The following PPP2R2C variants were observed in gnomAD, a reference collection of about 807,000 sequenced individuals.
PPP2R2C encodes protein phosphatase 2, regulatory subunit B, gamma.
Under a neutral mutation model 45.3 loss-of-function variants are expected in PPP2R2C, and 10 were observed. The ratio of observed to expected loss-of-function variants is 0.22; its 90% CI spans 0.14 to 0.37. PPP2R2C has a LOEUF of 0.37. Ranked by LOEUF, PPP2R2C falls within the 10% of genes least tolerant of loss-of-function variation. The pLI, the probability that PPP2R2C is intolerant of heterozygous loss-of-function variation, is 1.00. For missense variants in PPP2R2C, 308 were observed against 619.7 expected (o/e 0.50, Z 5.34); for synonymous variants, 257 against 245.4 (o/e 1.05, Z -0.44).
chr4:6,430,915 A>C (rs1238921012), intron 1 of PPP2R2C, among the ~76,000 whole-genome samples: 1 of 144,506 alleles, frequency 6.9e-6, no homozygotes, highest in African/African-American at 2.6e-5. Flanking sequence ...ACAGAGCAAG[A>C]CTCTGTCTCA....
At chr4:6,531,187 T>A (rs1475018439) in intron 2 of PPP2R2C, among the ~76,000 whole-genome samples, 1 of 152,176 alleles carries the variant, frequency 6.6e-6, no homozygotes, top group African/African-American at 2.4e-5. Flanking sequence ...GGCACCGCTC[T>A]CCAGGGCAGT....
intron 2 of PPP2R2C, among the ~76,000 whole-genome samples, chr4:6,482,638 A>C (rs911096360): frequency 1.3e-5 from 2 of 152,186 alleles, no homozygotes; most frequent in African/African-American, 4.8e-5. Context: ...ATAGTTTGAG[A>C]GCAGATTCTC....
At chr4:6,459,254 G>A (rs1360217966) in intron 1 of PPP2R2C, among the ~76,000 whole-genome samples, 1 of 152,134 alleles carries the variant, frequency 6.6e-6, no homozygotes, top group African/African-American at 2.4e-5. Context: ...TATTAGGCAG[G>A]CAGCTCAACC....
intron 6 of PPP2R2C, among the ~76,000 whole-genome samples, chr4:6,335,272 A>G (rs372664226): frequency 4.8e-4 from 73 of 152,308 alleles, no homozygotes; most frequent in African/African-American, 1.6e-3. Flanking sequence ...AAGAGCCAGC[A>G]GGCAGATAGG....
chr4:6,388,790 T>G (rs1716402928), intron 1 of PPP2R2C, among the ~76,000 whole-genome samples: 1 of 152,172 alleles, frequency 6.6e-6, no homozygotes, highest in African/African-American at 2.4e-5. Context: ...AGCCCAGCCC[T>G]GCCAGCATCG....
chr4:6,414,070 C>CTCTG (rs3220841), intron 1 of PPP2R2C: 1 of 1,183,218 alleles, frequency 8.5e-7, no homozygotes, highest in African/African-American at 1.8e-5. Context: ...TAAGTTTTGC[C>CTCTG]TGTGTATGTG....
intron 1 of PPP2R2C, among the ~76,000 whole-genome samples, chr4:6,559,820 C>T (rs1433539655): frequency 6.6e-6 from 1 of 152,242 alleles, no homozygotes; most frequent in African/African-American, 2.4e-5. Context: ...GACTTCCAGC[C>T]TCCAGAACGG....
At chr4:6,423,846 A>T (rs1719122317) in intron 1 of PPP2R2C, among the ~76,000 whole-genome samples, 1 of 152,226 alleles carries the variant, frequency 6.6e-6, no homozygotes, top group Admixed American at 6.5e-5. Flanking sequence ...TAGTAGGGCC[A>T]TGGAAAGGAG....
In PPP2R2C at chr4:6,324,671, G is replaced by A. The variant is rs1731810433; in HGVS notation, c.1053-1078C>T. Among the ~76,000 whole-genome samples, 1 of 152,190 alleles carries A rather than the reference G, an allele frequency of 6.6e-6. No homozygotes were observed. The highest frequency in any genetic ancestry group is 1.5e-5 in the Non-Finnish European group (1 of 68,036). On this transcript the variant is annotated intron_variant, in intron 8 of 8. Transcript: ENST00000382599. This position sits in a 1 kb window ranked among gnomAD's most constrained non-coding sequence, Gnocchi z 4.1. Reference sequence around the variant, plus strand: ...GGGGCGAGCAGTGCTGACGTGCAGGGGCTCGCTGCCCTCACCGTCCCGCTA... The same window carrying A: ...GGGGCGAGCAGTGCTGACGTGCAGGAGCTCGCTGCCCTCACCGTCCCGCTA...
intron 1 of PPP2R2C, among the ~76,000 whole-genome samples, chr4:6,423,486 T>C (rs1010260145): frequency 7.2e-5 from 11 of 152,164 alleles, no homozygotes; most frequent in Non-Finnish European, 1.3e-4. Context: ...TTATAGGCAT[T>C]AGCCACCACA....
At chr4:6,366,050 A>T (rs1219742387) in intron 5 of PPP2R2C, among the ~76,000 whole-genome samples, 1 of 152,214 alleles carries the variant, frequency 6.6e-6, no homozygotes, top group Non-Finnish European at 1.5e-5. Flanking sequence ...TGGAAAACGG[A>T]GTTTTAACCA....
chr4:6,462,820 T>A (rs872883), intron 1 of PPP2R2C, among the ~76,000 whole-genome samples: 2 of 152,100 alleles, frequency 1.3e-5, no homozygotes, highest in Non-Finnish European at 2.9e-5. Flanking sequence ...AAATTCTTCA[T>A]CCAAAAGCAG....
intron 1 of PPP2R2C, among the ~76,000 whole-genome samples, chr4:6,415,546 G>A (rs781658891): frequency 2.0e-5 from 3 of 152,174 alleles, no homozygotes; most frequent in African/African-American, 2.4e-5. Context: ...GCTGTGAGGG[G>A]GGCACGGTCA....
intron 1 of PPP2R2C, among the ~76,000 whole-genome samples, chr4:6,389,943 A>G (rs1195823008): frequency 6.6e-6 from 1 of 152,044 alleles, no homozygotes; most frequent in Non-Finnish European, 1.5e-5. Context: ...ATGGGGTCAG[A>G]GATGGGAGGC....
At chr4:6,361,927 A>C (rs539724686) in intron 5 of PPP2R2C, among the ~76,000 whole-genome samples, 4 of 152,310 alleles carry the variant, frequency 2.6e-5, no homozygotes, top group African/African-American at 7.2e-5. Context: ...ATTTATAACG[A>C]GGCCCTGAGA....
chr4:6,514,390 C>A (rs928394777), intron 2 of PPP2R2C, among the ~76,000 whole-genome samples: 9 of 152,278 alleles, frequency 5.9e-5, no homozygotes, highest in Admixed American at 4.6e-4. Context: ...GGTCTCAAGG[C>A]AATTTTGTTA....
At chr4:6,495,004 G>A (rs1722830591) in intron 2 of PPP2R2C, among the ~76,000 whole-genome samples, 1 of 152,208 alleles carries the variant, frequency 6.6e-6, no homozygotes, top group South Asian at 2.1e-4. Flanking sequence ...ACGCAGCGAG[G>A]TTGCTGGAGG....
chr4:6,446,839 C>T (rs1720445488), intron 1 of PPP2R2C, among the ~76,000 whole-genome samples: 1 of 151,528 alleles, frequency 6.6e-6, no homozygotes, highest in Admixed American at 6.6e-5. Flanking sequence ...GATACGGCAG[C>T]TCACAGCAGA....
chr4:6,351,289 G>A (rs1577094157), intron 5 of PPP2R2C: 2 of 802,434 alleles, frequency 2.5e-6, no homozygotes, highest in South Asian at 5.7e-5. Flanking sequence ...CTCCAGACTG[G>A]GTGACAGAGC....
Sources: allele counts gnomAD v4.1 joint callset (sites outside exome capture counted in the v4.1 genomes callset), GRCh38; gene constraint gnomAD v4.1.1; non-coding constraint Gnocchi (gnomAD v3.1); transcripts MANE v1.5; gene names NCBI Gene and HGNC (gene_info 2026-07-23, HGNC 2026-07-21).